Variants in ZRANB3 observed in about 807,000 individuals in gnomAD.
The protein encoded by ZRANB3 is DNA annealing helicase and endonuclease ZRANB3.
Under a neutral mutation model 133.8 loss-of-function variants are expected in ZRANB3, and 125 were observed. The observed-to-expected ratio is 0.93, with a 90% CI of 0.81 to 1.08. ZRANB3 has a LOEUF of 1.08. Among genes scored for constraint, ZRANB3 ranks in the 50% least tolerant of loss-of-function variants. The pLI, the probability that ZRANB3 is intolerant of heterozygous loss-of-function variation, is 0.00. For missense variants in ZRANB3, 1,229 were observed against 1,275.5 expected (o/e 0.96, Z 0.56); for synonymous variants, 387 against 432.7 (o/e 0.89, Z 1.31).
intron 6 of ZRANB3, among the ~76,000 whole-genome samples, chr2:135,337,647 G>A (rs1319072226): frequency 2.0e-5 from 3 of 152,138 alleles, no homozygotes; most frequent in Non-Finnish European, 4.4e-5. Context: ...TGGATTTATA[G>A]TTTAATCAAA....
chr2:135,212,227 T>C (rs1694121436), intron 17 of ZRANB3, among the ~76,000 whole-genome samples: 1 of 152,210 alleles, frequency 6.6e-6, no homozygotes, highest in Admixed American at 6.5e-5. Flanking sequence ...TAAATTGTTT[T>C]AGAGTTCTTT....
chr2:135,467,702 T>TC (rs1416618883), intron 2 of ZRANB3, among the ~76,000 whole-genome samples: 2 of 152,236 alleles, frequency 1.3e-5, no homozygotes, highest in African/African-American at 4.8e-5. Context: ...GCCTCCTTGG[T>TC]CCTTACTTTG....
At chr2:135,467,652 T>C (rs1468963436) in intron 2 of ZRANB3, among the ~76,000 whole-genome samples, 3 of 152,218 alleles carry the variant, frequency 2.0e-5, no homozygotes, top group Admixed American at 6.5e-5. Flanking sequence ...TCAGCATTTA[T>C]ACATGCTAAG....
intron 6 of ZRANB3, among the ~76,000 whole-genome samples, chr2:135,342,293 C>T (rs1187791595): frequency 6.7e-6 from 1 of 150,052 alleles, no homozygotes; most frequent in Non-Finnish European, 1.5e-5. Flanking sequence ...CCACCTCGGC[C>T]TCCCAAAGTG....
chr2:135,390,496 T>C (rs1396405071), intron 3 of ZRANB3, among the ~76,000 whole-genome samples: 2 of 152,160 alleles, frequency 1.3e-5, no homozygotes, highest in Non-Finnish European at 2.9e-5. Flanking sequence ...AGTACTATTA[T>C]AACAGAAAAG....
At chr2:135,467,500 C>G (rs1351723491) in intron 2 of ZRANB3, among the ~76,000 whole-genome samples, 1 of 152,216 alleles carries the variant, frequency 6.6e-6, no homozygotes, top group Non-Finnish European at 1.5e-5. Context: ...TCTGCCCTCC[C>G]AGGGGGTGTT....
chr2:135,295,876 T>G (rs1682047635), intron 8 of ZRANB3, among the ~76,000 whole-genome samples: 1 of 152,340 alleles, frequency 6.6e-6, no homozygotes, highest in Admixed American at 6.5e-5. Context: ...GGTTGAAAAT[T>G]CTTTTCTTTA....
chr2:135,319,288 A>C (rs1683408266), intron 6 of ZRANB3, among the ~76,000 whole-genome samples: 1 of 152,182 alleles, frequency 6.6e-6, no homozygotes, highest in African/African-American at 2.4e-5. Flanking sequence ...GAAAAATAAC[A>C]CTTTTTAATT....
Position 135,376,715 on chromosome 2 carries a change from G to A in ZRANB3, c.180+14087C>T, listed in dbSNP as rs139271033. 3.0e-3 allele frequency among the ~76,000 whole-genome samples: 450 copies of A among 152,188 alleles called. 3 individuals are homozygous for A. Among genetic ancestry groups the A allele is most frequent in the African/African-American group, 0.01 (419 of 41,522 alleles). On this transcript the variant is annotated intron_variant, in intron 3 of 20. Coordinates refer to ENST00000264159, the MANE Select transcript of ZRANB3 (RefSeq NM_032143.4). ...GGAAATTGAATAAATGAGGCACAAG[G>A]GATTGTGTAGGGTAGTGAAACTGTC...
At chr2:135,516,584 G>A (rs979418467) in intron 1 of ZRANB3, among the ~76,000 whole-genome samples, 5 of 152,154 alleles carry the variant, frequency 3.3e-5, no homozygotes, top group Admixed American at 2.0e-4. Flanking sequence ...TAAGAATGAC[G>A]AATATTGGAC....
chr2:135,270,186 G>A, intron 10 of ZRANB3, among the ~76,000 whole-genome samples: 1 of 152,048 alleles, frequency 6.6e-6, no homozygotes, highest in South Asian at 2.1e-4. Context: ...GACTGAAAAT[G>A]CCACAGAATA....
chr2:135,405,596 A>G (rs1687975475), intron 2 of ZRANB3, among the ~76,000 whole-genome samples: 1 of 152,230 alleles, frequency 6.6e-6, no homozygotes, highest in African/African-American at 2.4e-5. Flanking sequence ...CAAATGTAAA[A>G]GAACAGAAAT....
intron 6 of ZRANB3, among the ~76,000 whole-genome samples, chr2:135,333,873 C>T (rs530504002): frequency 3.9e-5 from 6 of 152,296 alleles, no homozygotes; most frequent in African/African-American, 1.4e-4. Flanking sequence ...ATCTACTGAA[C>T]TGTACATTTA....
chr2:135,516,301 C>A (rs548826368), intron 1 of ZRANB3, among the ~76,000 whole-genome samples: 1 of 152,214 alleles, frequency 6.6e-6, no homozygotes, highest in South Asian at 2.1e-4. Flanking sequence ...GAATCTGATC[C>A]TGTCATTATG....
chr2:135,264,306 A>G (rs1573785986), intron 12 of ZRANB3, among the ~76,000 whole-genome samples: 2 of 151,662 alleles, frequency 1.3e-5, no homozygotes, highest in East Asian at 3.9e-4. Context: ...CCCTGTCTCT[A>G]CTAAAAATAC....
intron 6 of ZRANB3, among the ~76,000 whole-genome samples, chr2:135,319,974 T>C (rs1167499093): frequency 6.6e-6 from 1 of 152,190 alleles, no homozygotes; most frequent in Admixed American, 6.5e-5. Flanking sequence ...TATGATCCTG[T>C]GAAAAGTGCC....
chr2:135,336,482 T>C (rs962459588), intron 6 of ZRANB3, among the ~76,000 whole-genome samples: 4 of 152,180 alleles, frequency 2.6e-5, no homozygotes, highest in Admixed American at 1.3e-4. Context: ...TAACTTAAAA[T>C]GCCAGGAAGT....
intron 10 of ZRANB3, chr2:135,271,226 G>A: frequency 2.2e-6 from 1 of 452,772 alleles, no homozygotes; most frequent in South Asian, 1.7e-5. Context: ...ATCAGGCTAG[G>A]CCTGGACTGT....
At chr2:135,318,212 TTGTGTG>T (rs58455313) in intron 6 of ZRANB3, among the ~76,000 whole-genome samples, 9,931 of 136,872 alleles carry the variant, frequency 0.073, 570 homozygotes, top group African/African-American at 0.16. Flanking sequence ...ACACACTATT[TTGTGTG>T]TGTGTGTGTG....
Sources: gnomAD v4.1 joint callset for allele counts (sites outside exome capture counted in the v4.1 genomes callset) on GRCh38, gnomAD v4.1.1 for gene constraint, MANE v1.5 for transcripts, NCBI Gene and HGNC (gene_info 2026-07-23, HGNC 2026-07-21) for gene names.